Variants in CCDC85A observed in about 807,000 individuals in gnomAD.
The protein encoded by CCDC85A is coiled-coil domain containing 85A.
In CCDC85A, 38 loss-of-function variants were observed where a neutral mutation model predicts 50.2. That is an observed-to-expected ratio of 0.76 (90% confidence interval 0.58 to 0.99). The LOEUF (loss-of-function observed/expected upper bound fraction) is 0.99. Ranked by LOEUF, CCDC85A falls within the 50% of genes least tolerant of loss-of-function variation. CCDC85A has a pLI of 0.00. For missense variants in CCDC85A, 820 were observed against 742.0 expected, an observed-to-expected ratio of 1.11 and a Z score of -1.22; for synonymous variants, 366 against 301.4, an observed-to-expected ratio of 1.21 and a Z score of -2.22.
chr2:56,259,666 GC>G (rs1260858276), intron 2 of CCDC85A, among the ~76,000 whole-genome samples: 3 of 152,170 alleles, frequency 2.0e-5, no homozygotes, highest in Non-Finnish European at 2.9e-5. Flanking sequence ...AACTCTGCCT[GC>G]CTGGCTGGAG....
chr2:56,315,891 G>A (rs563033035), intron 2 of CCDC85A, among the ~76,000 whole-genome samples: 1 of 152,224 alleles, frequency 6.6e-6, no homozygotes, highest in African/African-American at 2.4e-5. Flanking sequence ...GAGGCAGGCA[G>A]TAGGTGTATA....
intron 2 of CCDC85A, among the ~76,000 whole-genome samples, chr2:56,298,748 G>A (rs897494302): frequency 1.3e-5 from 2 of 152,174 alleles, no homozygotes; most frequent in Admixed American, 6.6e-5. Context: ...GGCAGTGATA[G>A]GAGGTTTGAA....
At chr2:56,377,808 A>T (rs1224214249) in intron 5 of CCDC85A, among the ~76,000 whole-genome samples, 3 of 151,846 alleles carry the variant, frequency 2.0e-5, no homozygotes, top group African/African-American at 7.3e-5. Context: ...GAATTGCTTG[A>T]ATCCGGGAGG....
intron 2 of CCDC85A, among the ~76,000 whole-genome samples, chr2:56,332,244 T>G (rs1387501474): frequency 2.6e-4 from 40 of 152,154 alleles, no homozygotes; most frequent in Non-Finnish European, 4.4e-5. Context: ...CACACCTAAT[T>G]CTGTGTCTCC....
chr2:56,301,628 T>A (rs1477165662), intron 2 of CCDC85A, among the ~76,000 whole-genome samples: 1 of 152,344 alleles, frequency 6.6e-6, no homozygotes, highest in East Asian at 1.9e-4. Flanking sequence ...ATGCAGAATC[T>A]GAAATTTTCT....
rs138249941 is a variant in CCDC85A, at chr2:56,216,859, A to G, written c.1240+23419A>G. The stretch of plus-strand genomic sequence containing the variant: ...GTTTCATTGTGTTTTTCTTTTTGCT[A>G]TGTTCTTCATCTTTTGCTCATGGGG... On this transcript the variant is annotated intron_variant, in intron 2 of 5. Transcript: ENST00000407595. 2.8e-3 allele frequency among the ~76,000 whole-genome samples: 422 copies of G among 149,682 alleles called. 3 individuals carry two copies. Among genetic ancestry groups the G allele is most frequent in the African/African-American group, 9.6e-3 (392 of 40,710 alleles).
chr2:56,247,563 C>A (rs1205422813), intron 2 of CCDC85A, among the ~76,000 whole-genome samples: 1 of 152,154 alleles, frequency 6.6e-6, no homozygotes, highest in African/African-American at 2.4e-5. Context: ...GTCCTTGAAG[C>A]CACCTTGTTT....
At chr2:56,352,245 C>T (rs2104347249) in intron 3 of CCDC85A, among the ~76,000 whole-genome samples, 1 of 151,968 alleles carries the variant, frequency 6.6e-6, no homozygotes, top group African/African-American at 2.4e-5. Context: ...ATCTATATTG[C>T]CTAAATATAA....
At chr2:56,191,905 G>T (rs1000152297) in intron 1 of CCDC85A, among the ~76,000 whole-genome samples, 3 of 152,192 alleles carry the variant, frequency 2.0e-5, no homozygotes, top group East Asian at 1.9e-4. Flanking sequence ...CTGTTGAAAG[G>T]TCTGTTGTCT....
chr2:56,350,828 TC>T (rs965018828), intron 3 of CCDC85A, among the ~76,000 whole-genome samples: 9 of 151,144 alleles, frequency 6.0e-5, no homozygotes, highest in Non-Finnish European at 1.2e-4. Context: ...ATATTTTTTT[TC>T]AGTTTCTTTT....
At chr2:56,204,086 AT>A (rs1676857084) in intron 2 of CCDC85A, among the ~76,000 whole-genome samples, 1 of 152,166 alleles carries the variant, frequency 6.6e-6, no homozygotes, top group Non-Finnish European at 1.5e-5. Context: ...TAGTACCAGA[AT>A]TTAGATTTCA....
chr2:56,265,170 T>G (rs890897725), intron 2 of CCDC85A, among the ~76,000 whole-genome samples: 2 of 151,946 alleles, frequency 1.3e-5, no homozygotes, highest in African/African-American at 2.4e-5. Flanking sequence ...GAGGGAAAAA[T>G]GAAAAGGCAT....
At chr2:56,187,209 C>T (rs890561328) in intron 1 of CCDC85A, among the ~76,000 whole-genome samples, 8 of 151,728 alleles carry the variant, frequency 5.3e-5, no homozygotes, top group Non-Finnish European at 7.4e-5. Flanking sequence ...TTGTTAAGGG[C>T]GTGGGGGAGC....
rs768218886 is a variant in CCDC85A, at chr2:56,375,866, C to G, written c.1503C>G (p.Asn501Lys). The change falls in exon 5 of 6, where the codon AAC becomes AAG. Residue 501 changes from asparagine to lysine, a missense_variant. Transcript: ENST00000407595. ...SGADGSNSSP[N>K]SAASFSGHAT... ...CTGATGGGAGTAACAGTTCACCCAA[C>G]TCTGCAGCTAGCTTCAGTGGACATG... 16 of 1,613,744 alleles carry G rather than the reference C, an allele frequency of 9.9e-6. No individual in the cohort carries two copies. In the African/African-American group the frequency reaches 2.1e-4, roughly 22 times the overall value.
intron 2 of CCDC85A, among the ~76,000 whole-genome samples, chr2:56,200,289 C>T (rs535503608): frequency 1.8e-4 from 28 of 152,138 alleles, no homozygotes; most frequent in Non-Finnish European, 3.7e-4. Context: ...CTTGATAGTA[C>T]TTTAATACAT....
At chr2:56,257,459 A>G (rs1370591026) in intron 2 of CCDC85A, among the ~76,000 whole-genome samples, 1 of 152,184 alleles carries the variant, frequency 6.6e-6, no homozygotes, top group Non-Finnish European at 1.5e-5. Context: ...AGGGGCAAGC[A>G]TACGACGAGG....
chr2:56,370,523 C>T lies in CCDC85A; in HGVS notation c.1318-1821C>T, dbSNP rs574647802. Reference sequence around the variant, plus strand: ...TTATTCTTCCACAAAGATCTGGCCCCTGTTTATTGTTCCCCCTTATGAGAT... The same window carrying T: ...TTATTCTTCCACAAAGATCTGGCCCTTGTTTATTGTTCCCCCTTATGAGAT... On this transcript the variant is annotated intron_variant, in intron 3 of 5. Coordinates refer to ENST00000407595, the MANE Select transcript of CCDC85A (RefSeq NM_001080433.2). 5.9e-5 allele frequency among the ~76,000 whole-genome samples: 9 copies of T among 152,100 alleles called. No individual in the cohort carries two copies. The East Asian group carries it at 1.7e-3, about 29-fold the overall frequency.
At chr2:56,226,011 G>A (rs916719314) in intron 2 of CCDC85A, among the ~76,000 whole-genome samples, 2 of 152,140 alleles carry the variant, frequency 1.3e-5, no homozygotes, top group African/African-American at 4.8e-5. Flanking sequence ...ATATGGAGAG[G>A]ACCTCAGTGC....
chr2:56,276,308 G>T (rs912238886), intron 2 of CCDC85A, among the ~76,000 whole-genome samples: 5 of 151,992 alleles, frequency 3.3e-5, no homozygotes, highest in African/African-American at 1.2e-4. Context: ...TTTGCTTACT[G>T]GCTTTACTTT....
Sources: gnomAD v4.1 joint callset for allele counts (sites outside exome capture counted in the v4.1 genomes callset) on GRCh38, gnomAD v4.1.1 for gene constraint, MANE v1.5 for transcripts, NCBI Gene and HGNC (gene_info 2026-07-23, HGNC 2026-07-21) for gene names.